XXYLT1: variants seen among roughly 807,000 people sequenced by gnomAD.
XXYLT1 encodes the protein UDP-xylose:alpha-xyloside alpha-1,3-xylosyltransferase.
In XXYLT1, 20 loss-of-function variants were observed where a neutral mutation model predicts 28.9. The observed-to-expected ratio is 0.69, with a 90% CI of 0.49 to 1.00. The LOEUF is 1.00. Among genes scored for constraint, XXYLT1 ranks in the 50% least tolerant of loss-of-function variants. The pLI, the probability that XXYLT1 is intolerant of heterozygous loss-of-function variation, is 0.00. For synonymous variants in XXYLT1, 257 were observed against 253.8 expected, an observed-to-expected ratio of 1.01 and a Z score of -0.12; for missense variants, 542 against 560.1, an observed-to-expected ratio of 0.97 and a Z score of 0.33.
intron 2 of XXYLT1, among the ~76,000 whole-genome samples, chr3:195,192,329 G>A (rs1722457852): frequency 6.6e-6 from 1 of 151,662 alleles, no homozygotes; most frequent in African/African-American, 2.4e-5. Flanking sequence ...GGAGGCCGAG[G>A]TTGTAGAATT....
At chr3:195,101,570 A>G (rs1226803816) in intron 3 of XXYLT1, among the ~76,000 whole-genome samples, 3 of 152,242 alleles carry the variant, frequency 2.0e-5, no homozygotes, top group Non-Finnish European at 4.4e-5. Flanking sequence ...AAAATATGGC[A>G]GTTATACATG....
At chr3:195,113,565 C>T (rs1036352408) in intron 3 of XXYLT1, among the ~76,000 whole-genome samples, 27 of 152,164 alleles carry the variant, frequency 1.8e-4, no homozygotes, top group Admixed American at 1.6e-3. Context: ...AGTGTGAACC[C>T]AGCACTCACG....
intron 3 of XXYLT1, chr3:195,096,020 C>T (rs867392590): frequency 6.6e-6 from 1 of 152,108 alleles, no homozygotes; most frequent in African/African-American, 2.4e-5. Context: ...ATAGCAGTGT[C>T]CACGCTATGG....
At chr3:195,114,811 T>C (rs1013390811) in intron 3 of XXYLT1, among the ~76,000 whole-genome samples, 1 of 152,200 alleles carries the variant, frequency 6.6e-6, no homozygotes, top group Admixed American at 6.5e-5. Flanking sequence ...CGCAGGAAGG[T>C]AGCAGTCTTA....
At chr3:195,079,924 C>T (rs146791306) in intron 3 of XXYLT1, among the ~76,000 whole-genome samples, 3 of 152,178 alleles carry the variant, frequency 2.0e-5, no homozygotes, top group East Asian at 1.9e-4. Flanking sequence ...GGAAGTGTCC[C>T]GCTCATCTTC....
intron 3 of XXYLT1, among the ~76,000 whole-genome samples, chr3:195,082,680 C>A (rs1343925255): frequency 1.3e-5 from 2 of 152,082 alleles, no homozygotes; most frequent in Non-Finnish European, 2.9e-5. Context: ...TGGCGAAACT[C>A]CAACTCAACT....
In XXYLT1 at chr3:195,143,829, TAGATATAGATATAG is replaced by T. The variant is rs61581819; in HGVS notation, c.785+12606_785+12619del. The stretch of plus-strand genomic sequence containing the variant: ...AGATATATATAGATATAGATATATA[TAGATATAGATATAG>T]ATATATATATAGATATATATAGATA... On this transcript the variant is annotated intron_variant, in intron 3 of 3. Transcript: ENST00000310380. 1.4e-3 allele frequency among the ~76,000 whole-genome samples: 132 copies of T among 93,534 alleles called. 1 individual carries two copies. Among genetic ancestry groups the T allele is most frequent in the East Asian group, 0.014 (21 of 1,536 alleles). 61.4% of individuals were successfully genotyped at this position (93,534 alleles called of 152,430 possible).
rs1185463976 is a variant in XXYLT1 at position 195,078,311 on chromosome 3, G to A, written c.786-8200C>T. Among the ~76,000 whole-genome samples, 2 of 152,030 alleles carry A rather than the reference G, an allele frequency of 1.3e-5. No homozygotes were observed. The highest frequency in any genetic ancestry group is 2.9e-5 in the Non-Finnish European group (2 of 68,004). ...AAGAAGAGGAGCCAGGAAGATGCAG[G>A]GCGTTGGAGGACCCCGGCCACCTGT... On this transcript the variant is annotated intron_variant, in intron 3 of 3. Coordinates refer to ENST00000310380, the MANE Select transcript of XXYLT1 (RefSeq NM_152531.5). The surrounding 1 kb of genome is among the most constrained non-coding windows in gnomAD (Gnocchi z 5.0).
chr3:195,201,527 G>C (rs893241272), intron 2 of XXYLT1, among the ~76,000 whole-genome samples: 6 of 152,212 alleles, frequency 3.9e-5, no homozygotes. Context: ...TCTTGAGGCT[G>C]TTCCTTGTTG....
At chr3:195,098,668 C>G (rs1224047442) in intron 3 of XXYLT1, among the ~76,000 whole-genome samples, 1 of 152,266 alleles carries the variant, frequency 6.6e-6, no homozygotes, top group African/African-American at 2.4e-5. Flanking sequence ...CTGTCAAGGT[C>G]TCGGGAGCCC....
At position 195,191,703 on chromosome 3, in the gene XXYLT1, A is replaced by G. The variant is rs1246071387; in HGVS notation, c.652+35006T>C. ...AAGCTATACCATGCATACAATAACT[A>G]TACAATAGCTTGAGTGGCTGTATTA... On this transcript the variant is annotated intron_variant, in intron 2 of 3. Transcript: ENST00000310380. Among the ~76,000 whole-genome samples the G allele has an allele frequency of 3.3e-5, 5 of 152,276 alleles. No homozygotes were observed. The East Asian group carries it at 9.6e-4, about 29-fold the overall frequency.
rs1230909408 is a variant in XXYLT1 at position 195,133,599 on chromosome 3, C to T, written c.785+22850G>A. On this transcript the variant is annotated intron_variant, in intron 3 of 3. Coordinates refer to ENST00000310380, the MANE Select transcript of XXYLT1 (RefSeq NM_152531.5). The surrounding 1 kb of genome is among the most constrained non-coding windows in gnomAD (Gnocchi z 4.4). The stretch of plus-strand genomic sequence containing the variant: ...TTTGAGTCACCTCTGCTACGCCTAA[C>T]AAGCAGAGGCGGACGAGCTGCTGTG... 6.6e-6 allele frequency among the ~76,000 whole-genome samples: 1 copy of T among 152,228 alleles called. No individual in the cohort carries two copies. Among genetic ancestry groups the T allele is most frequent in the African/African-American group, 2.4e-5 (1 of 41,458 alleles).
chr3:195,075,259 AAAG>A (rs1462571458), intron 3 of XXYLT1, among the ~76,000 whole-genome samples: 2 of 152,190 alleles, frequency 1.3e-5, no homozygotes, highest in African/African-American at 4.8e-5. Context: ...TCTCAAGAAA[AAAG>A]AATAAGTGTT....
In XXYLT1 at chr3:195,270,868, G is replaced by A; in HGVS notation, c.191C>T (p.Ala64Val). The A allele has an allele frequency of 1.4e-6, 2 of 1,411,218 alleles. No individual in the cohort carries two copies. Among genetic ancestry groups the A allele is most frequent in the South Asian group, 1.5e-5 (1 of 66,440 alleles). The allele number at this position is 1,411,218 out of a possible 1,614,324, so 87.4% of individuals were successfully genotyped here. ...CTCCAGCGCGGGCGGCGAGGGCGCG[G>A]CGGGAGCCCCGGCGCGGGCCTCCTT... ...RLKEARAGAP[A>V]APSPPALELA... The change falls in exon 1 of 4, where the codon GCC (alanine) becomes GTC (valine). Residue 64 changes from alanine (A) to valine (V), a missense_variant. Transcript: ENST00000310380.
intron 3 of XXYLT1, among the ~76,000 whole-genome samples, chr3:195,090,947 G>C (rs963128264): frequency 2.0e-5 from 3 of 151,780 alleles, no homozygotes; most frequent in African/African-American, 7.3e-5. Flanking sequence ...TAAATTCCTC[G>C]ACGTATACAC....
chr3:195,247,731 G>A (rs1021625405), intron 1 of XXYLT1: 3 of 696,126 alleles, frequency 4.3e-6, no homozygotes, highest in Non-Finnish European at 7.9e-6. Context: ...AAGGACCCAA[G>A]ACTTGGTGAT....
intron 1 of XXYLT1, among the ~76,000 whole-genome samples, chr3:195,269,518 G>A (rs1725948748): frequency 6.6e-6 from 1 of 152,208 alleles, no homozygotes. Context: ...GAGGAGAGGT[G>A]AAGCCAGAGA....
intron 2 of XXYLT1, among the ~76,000 whole-genome samples, chr3:195,163,365 G>GT (rs1720967104): frequency 1.3e-5 from 2 of 152,088 alleles, no homozygotes; most frequent in South Asian, 4.1e-4. Flanking sequence ...TCTAAAATTA[G>GT]GTAAACTAAC....
At position 195,210,240 on chromosome 3, in the gene XXYLT1, C is replaced by T. The variant is rs1181271382; in HGVS notation, c.652+16469G>A. ...GCATTCTCCGTGCAAACAACCCCCA[C>T]ACCCCGCTGAAGTCAGGACAGGACA... On this transcript the variant is annotated intron_variant, in intron 2 of 3. Coordinates refer to ENST00000310380, the MANE Select transcript of XXYLT1 (RefSeq NM_152531.5). The surrounding 1 kb of genome is among the most constrained non-coding windows in gnomAD (Gnocchi z 4.8). Among the ~76,000 whole-genome samples, 1 of 152,224 alleles carries T rather than the reference C, an allele frequency of 6.6e-6. No individual in the cohort carries two copies. The highest frequency in any genetic ancestry group is 1.5e-5 in the Non-Finnish European group (1 of 68,036).
Sources: allele counts gnomAD v4.1 joint callset (sites outside exome capture counted in the v4.1 genomes callset), GRCh38; gene constraint gnomAD v4.1.1; non-coding constraint Gnocchi (gnomAD v3.1); transcripts MANE v1.5; gene names NCBI Gene and HGNC (gene_info 2026-07-23, HGNC 2026-07-21).